Variants in ZNF385D observed in about 807,000 individuals in gnomAD.
ZNF385D encodes the protein zinc finger protein 659.
Under a neutral mutation model 35.8 loss-of-function variants are expected in ZNF385D, and 15 were observed. The ratio of observed to expected loss-of-function variants is 0.42; its 90% confidence interval spans 0.28 to 0.64. ZNF385D has a LOEUF of 0.64. Among genes scored for constraint, ZNF385D ranks in the 30% least tolerant of loss-of-function variants. ZNF385D has a pLI of 0.23. For missense variants in ZNF385D, 474 were observed against 494.6 expected (o/e 0.96, Z 0.39); for synonymous variants, 212 against 186.8 (o/e 1.13, Z -1.10).
At chr3:22,025,397 A>T (rs1697476752) in intron 3 of ZNF385D, among the ~76,000 whole-genome samples, 1 of 152,110 alleles carries the variant, frequency 6.6e-6, no homozygotes, top group South Asian at 2.1e-4. Context: ...TGAGAGTGTG[A>T]CCCATGAGGA....
intron 4 of ZNF385D, among the ~76,000 whole-genome samples, chr3:21,450,691 T>C (rs943209169): frequency 1.3e-5 from 2 of 152,162 alleles, no homozygotes; most frequent in African/African-American, 4.8e-5. Flanking sequence ...GCACACATAA[T>C]TCTAAGTGTT....
At chr3:22,028,158 G>C (rs1338251861) in intron 3 of ZNF385D, among the ~76,000 whole-genome samples, 1 of 152,182 alleles carries the variant, frequency 6.6e-6, no homozygotes, top group Non-Finnish European at 1.5e-5. Flanking sequence ...TTGGGGAAGA[G>C]GTATGTGGAT....
intron 4 of ZNF385D, 86 bp from the exon 5 acceptor site, chr3:21,437,289 C>A: frequency 7.8e-7 from 1 of 1,282,332 alleles, no homozygotes; most frequent in Non-Finnish European, 1.1e-6. Context: ...ATATTGCATT[C>A]TGCTTATAAT....
At chr3:22,184,061 G>A (rs1396718932) in intron 2 of ZNF385D, among the ~76,000 whole-genome samples, 1 of 152,078 alleles carries the variant, frequency 6.6e-6, no homozygotes, top group Admixed American at 6.6e-5. Flanking sequence ...ATCACTTTTA[G>A]GAGTTCTGAT....
chr3:22,159,731 C>T (rs149188085), intron 3 of ZNF385D, among the ~76,000 whole-genome samples: 45 of 152,104 alleles, frequency 3.0e-4, no homozygotes, highest in African/African-American at 1.0e-3. Context: ...CATTTTTATC[C>T]TTCAATGATA....
chr3:21,713,270 C>T (rs569852141), intron 1 of ZNF385D, among the ~76,000 whole-genome samples: 17 of 152,310 alleles, frequency 1.1e-4, no homozygotes, highest in African/African-American at 3.8e-4. Flanking sequence ...GACTGCCCAT[C>T]TGCAGACCTG....
intron 3 of ZNF385D, among the ~76,000 whole-genome samples, chr3:22,144,103 T>G (rs953465742): frequency 1.2e-4 from 19 of 152,282 alleles, no homozygotes; most frequent in Middle Eastern, 3.4e-3. Context: ...GGGAAAAATA[T>G]TTGATAAAAA....
chr3:21,515,818 G>A (rs1707521589), intron 3 of ZNF385D, among the ~76,000 whole-genome samples: 1 of 152,162 alleles, frequency 6.6e-6, no homozygotes, highest in African/African-American at 2.4e-5. Flanking sequence ...ATTATGGAAG[G>A]GACCCTAATC....
chr3:22,071,748 A>G (rs191634740), intron 3 of ZNF385D, among the ~76,000 whole-genome samples: 25 of 152,224 alleles, frequency 1.6e-4, no homozygotes, highest in Non-Finnish European at 3.1e-4. Context: ...TCTTTTCTCT[A>G]TGGACACCAA....
intron 4 of ZNF385D, among the ~76,000 whole-genome samples, chr3:21,487,803 T>C (rs1705144708): frequency 6.6e-6 from 1 of 152,098 alleles, no homozygotes; most frequent in Non-Finnish European, 1.5e-5. Context: ...TGTTCCTTTG[T>C]ATTATATCTT....
At chr3:21,509,149 A>G (rs1707011913) in intron 4 of ZNF385D, among the ~76,000 whole-genome samples, 1 of 152,110 alleles carries the variant, frequency 6.6e-6, no homozygotes, top group Admixed American at 6.5e-5. Context: ...AATGAAACAC[A>G]TATTTTCATA....
intron 2 of ZNF385D, among the ~76,000 whole-genome samples, chr3:22,340,074 A>G (rs1425551573): frequency 1.3e-5 from 2 of 152,248 alleles, no homozygotes; most frequent in African/African-American, 4.8e-5. Context: ...AAATTTCATT[A>G]AACAAATTAA....
chr3:21,525,424 A>T (rs1169189911), intron 3 of ZNF385D, among the ~76,000 whole-genome samples: 2 of 152,116 alleles, frequency 1.3e-5, no homozygotes, highest in Non-Finnish European at 2.9e-5. Context: ...ATGGTGGCTT[A>T]TGCCTGTAAT....
chr3:21,943,585 C>T (rs1454936476), intron 3 of ZNF385D, among the ~76,000 whole-genome samples: 2 of 151,860 alleles, frequency 1.3e-5, no homozygotes, highest in African/African-American at 2.4e-5. Context: ...GCAACATGTA[C>T]TCAACAAATT....
chr3:21,886,102 T>A (rs901304700), intron 3 of ZNF385D, among the ~76,000 whole-genome samples: 9 of 152,086 alleles, frequency 5.9e-5, no homozygotes, highest in Non-Finnish European at 8.8e-5. Context: ...AAATTAACCA[T>A]CACATAGATA....
At chr3:21,895,223 T>C (rs1402384783) in intron 3 of ZNF385D, among the ~76,000 whole-genome samples, 2 of 151,058 alleles carry the variant, frequency 1.3e-5, no homozygotes, top group Non-Finnish European at 2.9e-5. Flanking sequence ...GCTAAGTATA[T>C]TCAAAAAGAT....
intron 3 of ZNF385D, among the ~76,000 whole-genome samples, chr3:21,784,813 T>C (rs2071622342): frequency 6.6e-6 from 1 of 152,168 alleles, no homozygotes; most frequent in African/African-American, 2.4e-5. Context: ...GTGATGTCTC[T>C]CCCTGCCTTA....
intron 3 of ZNF385D, among the ~76,000 whole-genome samples, chr3:22,044,456 C>G (rs1220782040): frequency 1.3e-5 from 2 of 151,934 alleles, no homozygotes; most frequent in Non-Finnish European, 2.9e-5. Context: ...AAAACAAAAA[C>G]AAACATAAAA....
intron 3 of ZNF385D, among the ~76,000 whole-genome samples, chr3:22,104,616 T>G (rs965059197): frequency 2.0e-4 from 31 of 152,034 alleles, no homozygotes; most frequent in African/African-American, 6.5e-4. Flanking sequence ...TCTATTACAT[T>G]CAACATAAAA....
Sources: gnomAD v4.1 joint callset for allele counts (sites outside exome capture counted in the v4.1 genomes callset) on GRCh38, gnomAD v4.1.1 for gene constraint, MANE v1.5 for transcripts, NCBI Gene and HGNC (gene_info 2026-07-23, HGNC 2026-07-21) for gene names.